CPHXL2: variants seen among roughly 807,000 people sequenced by gnomAD.
The protein encoded by CPHXL2 is cytoplasmic polyadenylated homeobox-like protein 2.
the CPHXL2 span, among the ~76,000 whole-genome samples, chr16:75,673,625 A>T: frequency 6.6e-6 from 1 of 152,130 alleles, no homozygotes; most frequent in Non-Finnish European, 1.5e-5. Flanking sequence ...TTCCTATTAA[A>T]AGAAACCGGA....
chr16:75,664,409 T>C, the CPHXL2 span, among the ~76,000 whole-genome samples: 2 of 152,178 alleles, frequency 1.3e-5, no homozygotes, highest in South Asian at 2.1e-4. Context: ...GCAGATCACC[T>C]GAGGTCGGGA....
chr16:75,669,283 T>C, the CPHXL2 span: 1 of 393,446 alleles, frequency 2.5e-6, no homozygotes, highest in East Asian at 3.6e-5. Flanking sequence ...TCCATTGCAC[T>C]CCAGACTGGG....
the CPHXL2 span, chr16:75,661,238 C>T: frequency 2.5e-6 from 1 of 400,740 alleles, no homozygotes. Context: ...CTCTATTGTT[C>T]TGGAACCAGT....
At chr16:75,660,362 CTGCATATCT>C in the CPHXL2 span, 1 of 398,564 alleles carries the variant, frequency 2.5e-6, no homozygotes, top group Non-Finnish European at 4.4e-6. Flanking sequence ...AAGCCCCTAC[CTGCATATCT>C]TGCCCCAGAG....
At chr16:75,660,640 A>G in the CPHXL2 span, 1 of 398,550 alleles carries the variant, frequency 2.5e-6, no homozygotes, top group Non-Finnish European at 4.4e-6. Flanking sequence ...AGTGAGAGAC[A>G]GAATGAGCAA....
the CPHXL2 span, among the ~76,000 whole-genome samples, chr16:75,671,945 G>A: frequency 6.6e-6 from 1 of 152,096 alleles, no homozygotes; most frequent in South Asian, 2.1e-4. Flanking sequence ...CTAGAATGGG[G>A]CGAGCCATGC....
At chr16:75,664,492 G>C in the CPHXL2 span, among the ~76,000 whole-genome samples, 402 of 152,116 alleles carry the variant, frequency 2.6e-3, 1 homozygote, top group African/African-American at 9.3e-3. Flanking sequence ...AGGCATGGCG[G>C]CACGTGCCTG....
chr16:75,665,880 C>G, the CPHXL2 span, among the ~76,000 whole-genome samples: 44 of 152,120 alleles, frequency 2.9e-4, no homozygotes, highest in African/African-American at 9.4e-4. Flanking sequence ...ACCAACCAAC[C>G]AAGGTATACA....
the CPHXL2 span, among the ~76,000 whole-genome samples, chr16:75,667,544 T>C: frequency 2.6e-5 from 4 of 152,210 alleles, no homozygotes; most frequent in African/African-American, 9.6e-5. Context: ...TCAATTTTTA[T>C]AGTGATTAAC....
the CPHXL2 span, among the ~76,000 whole-genome samples, chr16:75,666,822 T>C: frequency 3.3e-5 from 5 of 152,080 alleles, no homozygotes; most frequent in African/African-American, 9.7e-5. Flanking sequence ...ATAGACCATA[T>C]GATAGGTCAC....
chr16:75,667,582 A>T, the CPHXL2 span, among the ~76,000 whole-genome samples: 1 of 152,212 alleles, frequency 6.6e-6, no homozygotes, highest in African/African-American at 2.4e-5. Flanking sequence ...ATTCTATGAT[A>T]TCAGAAAAAT....
chr16:75,665,802 T>G, the CPHXL2 span, among the ~76,000 whole-genome samples: 1 of 151,994 alleles, frequency 6.6e-6, no homozygotes, highest in African/African-American at 2.4e-5. Context: ...GAGGAAGAGG[T>G]TGCAGTGAGC....
chr16:75,676,381 T>G, the CPHXL2 span, among the ~76,000 whole-genome samples: 1,194 of 152,284 alleles, frequency 7.8e-3, 11 homozygotes, highest in Non-Finnish European at 8.1e-3. Context: ...TGGAGTGCAG[T>G]GGCATGATCA....
chr16:75,668,803 G>C, the CPHXL2 span, among the ~76,000 whole-genome samples: 6 of 152,144 alleles, frequency 3.9e-5, no homozygotes, highest in Non-Finnish European at 8.8e-5. Flanking sequence ...TGGGATTACA[G>C]GTGTGTGCCA....
At chr16:75,668,967 C>T in the CPHXL2 span, among the ~76,000 whole-genome samples, 1 of 152,042 alleles carries the variant, frequency 6.6e-6, no homozygotes, top group Admixed American at 6.5e-5. Context: ...AATTCTGTAC[C>T]TTTTTATCTA....
the CPHXL2 span, among the ~76,000 whole-genome samples, chr16:75,674,462 T>G: frequency 6.6e-6 from 1 of 150,978 alleles, no homozygotes; most frequent in Non-Finnish European, 1.5e-5. Context: ...AATAAATGGA[T>G]AGTTTATGTA....
At chr16:75,662,897 C>A in the CPHXL2 span, among the ~76,000 whole-genome samples, 10 of 149,984 alleles carry the variant, frequency 6.7e-5, no homozygotes, top group African/African-American at 2.2e-4. Flanking sequence ...CTCCCAGGTT[C>A]ATGCTATTCT....
At chr16:75,668,880 G>A in the CPHXL2 span, among the ~76,000 whole-genome samples, 2 of 151,938 alleles carry the variant, frequency 1.3e-5, no homozygotes, top group Admixed American at 6.6e-5. Context: ...AGTTAAATCC[G>A]TGCATGTGGA....
chr16:75,676,233 C>T, the CPHXL2 span, among the ~76,000 whole-genome samples: 1 of 152,146 alleles, frequency 6.6e-6, no homozygotes, highest in Non-Finnish European at 1.5e-5. Context: ...TTCTTCCATA[C>T]TTTACATATG....
Sources: gnomAD v4.1 joint callset for allele counts (sites outside exome capture counted in the v4.1 genomes callset) on GRCh38, gnomAD v4.1.1 for gene constraint, MANE v1.5 for transcripts, NCBI Gene and HGNC (gene_info 2026-07-23, HGNC 2026-07-21) for gene names.